The following PADI6 variants were observed in gnomAD, a reference collection of about 807,000 sequenced individuals.
The protein encoded by PADI6 is inactive protein-arginine deiminase type-6.
Under a neutral mutation model 78.2 loss-of-function variants are expected in PADI6, and 66 were observed. That is an observed-to-expected ratio of 0.84 (90% CI 0.69 to 1.04). PADI6 has a LOEUF of 1.04. Ranked by LOEUF, PADI6 falls within the 50% of genes least tolerant of loss-of-function variation. PADI6 has a pLI of 0.00. For synonymous variants in PADI6, 397 were observed against 346.9 expected, an observed-to-expected ratio of 1.14 and a Z score of -1.60; for missense variants, 854 against 866.1, an observed-to-expected ratio of 0.99 and a Z score of 0.18.
At chr1:17,398,271 A>G (rs12134662) in intron 14 of PADI6, among the ~76,000 whole-genome samples, 57,416 of 152,002 alleles carry the variant, frequency 0.38, 11,000 homozygotes, top group African/African-American at 0.41. Context: ...CTGAGACAGC[A>G]TCTCCCAGCC....
Position 17,373,181 on chromosome 1 carries a change from C to CGT in PADI6, c.243_244dup (p.Tyr82CysfsTer5), listed in dbSNP as rs769723043. On this transcript the variant is annotated frameshift_variant, in exon 2 of 16. Coordinates refer to ENST00000619609, the MANE Select transcript of PADI6 (RefSeq NM_207421.4). LOFTEE classifies it high-confidence loss of function. ...ATCTGGTGGCCCCTGTCTGATCCCA[C>CGT]GTACGCCACAGTGAAGATGACATCG... 1.9e-6 allele frequency: 3 copies of CGT among 1,613,980 alleles called. No homozygotes were observed. In the Admixed American group the frequency reaches 5.0e-5, roughly 27 times the overall value.
chr1:17,394,425 A>G lies in PADI6; in HGVS notation c.1308A>G (p.Arg436=). The change falls in exon 11 of 16, where the codon AGA becomes AGG. Residue 436 remains arginine, a synonymous_variant. Transcript: ENST00000619609. ...AAGGGAAAGAGTACCCGCTGGGCAG[A>G]GTCCTCATTGGCAGCAGCTTTTACC... ...KVQGKEYPLG[R]VLIGSSFYPS... is the part of the protein sequence containing the mutation. 2 of 1,613,576 alleles carry G rather than the reference A, an allele frequency of 1.2e-6. No individual in the cohort carries two copies. The highest frequency in any genetic ancestry group is 1.7e-6 in the Non-Finnish European group (2 of 1,179,734).
In PADI6 at chr1:17,384,466, G is replaced by A. The variant is rs146614666; in HGVS notation, c.679+2374G>A. ...TTTTTATAAAGAAGCCTGGCCAGGC[G>A]TGGTGGTTCATGCCTTAATCCCAGC... is the stretch of plus-strand genomic sequence containing the variant. On this transcript the variant is annotated intron_variant, in intron 6 of 15. Coordinates refer to ENST00000619609, the MANE Select transcript of PADI6 (RefSeq NM_207421.4). Among the ~76,000 whole-genome samples, 124 of 151,160 alleles carry A rather than the reference G, an allele frequency of 8.2e-4. 1 individual carries two copies. The East Asian group carries it at 0.022, about 27-fold the overall frequency.
At chr1:17,395,199 GTT>G (rs35197313) in intron 12 of PADI6, 92 bp downstream of exon 12, 26,198 of 1,230,642 alleles carry the variant, frequency 0.021, 10 homozygotes, top group South Asian at 0.035. Context: ...GCTTTTTCTT[GTT>G]TTTTTTTTTT....
chr1:17,372,629 T>C (rs574612630), intron 1 of PADI6, among the ~76,000 whole-genome samples: 2 of 152,140 alleles, frequency 1.3e-5, no homozygotes, highest in South Asian at 4.2e-4. Flanking sequence ...TGTGAAACCA[T>C]GGGGACGCTG....
rs151226414 is a variant in PADI6 at position 17,383,728 on chromosome 1, T to G, written c.679+1636T>G. On this transcript the variant is annotated intron_variant, in intron 6 of 15. Coordinates refer to ENST00000619609, the MANE Select transcript of PADI6 (RefSeq NM_207421.4). ...CATGGTGGCGGGCATGCCCGCCAGC[T>G]ACTCAGGAGGCTGAGGCAGGAGAAT... 6.9e-3 allele frequency among the ~76,000 whole-genome samples: 1,046 copies of G among 151,506 alleles called. 12 individuals carry two copies. The highest frequency in any genetic ancestry group is 0.024 in the African/African-American group (973 of 41,288).
intron 3 of PADI6, among the ~76,000 whole-genome samples, chr1:17,378,547 C>T (rs138482168): frequency 4.2e-4 from 64 of 152,218 alleles, no homozygotes; most frequent in African/African-American, 1.3e-3. Context: ...GCTAAGGAGG[C>T]GGGACAGTCC....
intron 3 of PADI6, among the ~76,000 whole-genome samples, chr1:17,376,790 T>C (rs947570262): frequency 6.6e-6 from 1 of 152,222 alleles, no homozygotes. Flanking sequence ...ATTAGACACC[T>C]ACCACCAACG....
chr1:17,390,151 T>C (rs1313489844), intron 8 of PADI6, among the ~76,000 whole-genome samples: 1 of 139,196 alleles, frequency 7.2e-6, no homozygotes, highest in Admixed American at 7.1e-5. Context: ...AATACAAAAA[T>C]TAGCCAGATG....
chr1:17,395,206 T>TTTTTG (rs2075234221), intron 12 of PADI6, 99 bp downstream of exon 12: 1 of 1,404,710 alleles, frequency 7.1e-7, no homozygotes, highest in Non-Finnish European at 9.5e-7. Context: ...CTTGTTTTTT[T>TTTTTG]TTTTTTTTGT....
chr1:17,375,983 TTC>T (rs1332813031), intron 3 of PADI6, among the ~76,000 whole-genome samples: 1 of 151,886 alleles, frequency 6.6e-6, no homozygotes, highest in Non-Finnish European at 1.5e-5. Context: ...TACTTTTTTT[TTC>T]TTTTTTTTCT....
chr1:17,378,764 C>T (rs909458242), intron 3 of PADI6, among the ~76,000 whole-genome samples: 5 of 152,002 alleles, frequency 3.3e-5, no homozygotes, highest in Non-Finnish European at 5.9e-5. Flanking sequence ...GCCACCACAC[C>T]GGGCTAATTT....
chr1:17,385,080 C>T (rs926713750), intron 6 of PADI6, among the ~76,000 whole-genome samples: 3 of 152,100 alleles, frequency 2.0e-5, no homozygotes, highest in African/African-American at 7.2e-5. Context: ...TCTAAACAGG[C>T]TGGGCGTGGT....
intron 8 of PADI6, among the ~76,000 whole-genome samples, chr1:17,391,441 A>G (rs918630457): frequency 2.6e-5 from 4 of 152,132 alleles, no homozygotes; most frequent in African/African-American, 9.7e-5. Context: ...GATGGTCTCA[A>G]ACTCCCAGTC....
rs200378046 is a variant in PADI6, at chr1:17,376,591, G to A, written c.367+1092G>A. On this transcript the variant is annotated intron_variant, in intron 3 of 15. Coordinates refer to ENST00000619609, the MANE Select transcript of PADI6 (RefSeq NM_207421.4). ...TTTTTTGTATTTTTAGTGGAGACGG[G>A]ATTTCACTGTGTTGGCCAGGCTGGT... Among the ~76,000 whole-genome samples the A allele has an allele frequency of 2.0e-5, 3 of 150,002 alleles. No homozygotes were observed. In the East Asian group the frequency reaches 5.9e-4, roughly 30 times the overall value.
chr1:17,377,137 G>A (rs993978703), intron 3 of PADI6, among the ~76,000 whole-genome samples: 3 of 151,756 alleles, frequency 2.0e-5, no homozygotes, highest in Non-Finnish European at 4.4e-5. Flanking sequence ...ACCATGCCCA[G>A]CTGACTTTAT....
At chr1:17,373,267 C>T (rs757741847) in intron 2 of PADI6, 34 bp downstream of exon 2, 78 of 1,606,982 alleles carry the variant, frequency 4.9e-5, no homozygotes, top group Non-Finnish European at 6.3e-5. Context: ...GGGGCATCTC[C>T]CGGGGTGGGA....
chr1:17,372,226 G>A lies in PADI6; in HGVS notation c.-20G>A. On this transcript the variant is annotated 5_prime_UTR_variant, in exon 1 of 16. Coordinates refer to ENST00000619609, the MANE Select transcript of PADI6 (RefSeq NM_207421.4). ...TCTGAGGCTGCTGTGCTGAGTGAGG[G>A]CTGCGGTGCAGGCCTGAGGATGGTC... 1 of 1,604,186 alleles carries A rather than the reference G, an allele frequency of 6.2e-7. No homozygotes were observed. Among genetic ancestry groups the A allele is most frequent in the Non-Finnish European group, 8.5e-7 (1 of 1,170,976 alleles).
chr1:17,380,832 G>A (rs1227967648), intron 4 of PADI6, among the ~76,000 whole-genome samples: 1 of 152,046 alleles, frequency 6.6e-6, no homozygotes, highest in Non-Finnish European at 1.5e-5. Context: ...GTAAGTAACT[G>A]GTAACCCCGA....
Sources: allele counts gnomAD v4.1 joint callset (sites outside exome capture counted in the v4.1 genomes callset), GRCh38; gene constraint gnomAD v4.1.1; transcripts MANE v1.5; gene names NCBI Gene and HGNC (gene_info 2026-07-23, HGNC 2026-07-21).